PAPLN: variants seen among roughly 807,000 people sequenced by gnomAD.
The protein encoded by PAPLN is papilin.
PAPLN carries 146 observed loss-of-function variants against 159.0 expected under a neutral mutation model. That is an observed-to-expected ratio of 0.92 (90% CI 0.80 to 1.05). The LOEUF is 1.05. Ranked by LOEUF, PAPLN falls within the 50% of genes least tolerant of loss-of-function variation. The probability of loss-of-function intolerance (pLI) is 0.00; values close to 1 mark genes in which losing one functional copy is unlikely to be tolerated. For missense variants in PAPLN, 1,720 were observed against 1,743.9 expected, an observed-to-expected ratio of 0.99 and a Z score of 0.24; for synonymous variants, 734 against 702.9, an observed-to-expected ratio of 1.04 and a Z score of -0.70.
At chr14:73,271,215 T>C (rs1887687346) in intron 26 of PAPLN, among the ~76,000 whole-genome samples, 1 of 152,140 alleles carries the variant, frequency 6.6e-6, no homozygotes, top group South Asian at 2.1e-4. Flanking sequence ...CAGCTCAGAG[T>C]TGATACCAAA....
rs755470097 is a variant in PAPLN, at chr14:73,250,906, GGTT to G, written c.468_470del (p.Val157del). On this transcript the variant is annotated inframe_deletion and splice_region_variant, in exon 7 of 27. Transcript: ENST00000644200. The stretch of plus-strand genomic sequence containing the variant: ...CCTGCCTCCCGCATCTCTGCCCACA[GGTT>G]GTCGGCTGTGATCACGAGCTGGACT... The G allele has an allele frequency of 2.5e-6, 4 of 1,611,524 alleles. No homozygotes were observed. Among genetic ancestry groups the G allele is most frequent in the Non-Finnish European group, 3.4e-6 (4 of 1,178,912 alleles).
Position 73,265,253 on chromosome 14 carries a change from G to C in PAPLN, c.3126-117G>C. On this transcript the variant is annotated intron_variant, in intron 22 of 26. Transcript: ENST00000644200. This position sits in a 1 kb window ranked among gnomAD's most constrained non-coding sequence, Gnocchi z 4.1. ...ACCAGAACAAGGCAGGGGATTTTAG[G>C]AAGCTGAATCTGGCTGGAGAGGGAG... 1 of 1,474,244 alleles carries C rather than the reference G, an allele frequency of 6.8e-7. No homozygotes were observed. The highest frequency in any genetic ancestry group is 9.0e-7 in the Non-Finnish European group (1 of 1,106,912). 91.3% of individuals were successfully genotyped at this position (1,474,244 alleles called of 1,614,324 possible). A position where few individuals can be genotyped will look rare whatever the true frequency, so the allele number is the denominator to read the frequency against.
At chr14:73,257,120 G>A (rs1032019426) in intron 14 of PAPLN, among the ~76,000 whole-genome samples, 1 of 151,984 alleles carries the variant, frequency 6.6e-6, no homozygotes, top group South Asian at 2.1e-4. Flanking sequence ...CACAGGTGCA[G>A]GCCACCATGC....
Position 73,246,156 on chromosome 14 carries a change from GT to G in PAPLN, c.316del (p.Trp106GlyfsTer13). On this transcript the variant is annotated frameshift_variant, in exon 5 of 27. Transcript: ENST00000644200. LOFTEE classifies it high-confidence loss of function. ...GAEFQGRRYR[W>X]LPYYSAPNKC... ...CGGAGTTCCAGGGGCGGCGGTATCGGTGGCTGCCCTACTACAGCGGTGAGCG... is the reference window on the plus strand; with the variant it reads ...CGGAGTTCCAGGGGCGGCGGTATCGGGGCTGCCCTACTACAGCGGTGAGCG... 1 of 1,590,124 alleles carries G rather than the reference GT, an allele frequency of 6.3e-7. No individual in the cohort carries two copies. Among genetic ancestry groups the G allele is most frequent in the Admixed American group, 1.8e-5 (1 of 56,484 alleles).
intron 2 of PAPLN, chr14:73,243,017 G>C (rs1411558266): frequency 6.6e-6 from 1 of 152,190 alleles, no homozygotes; most frequent in African/African-American, 2.4e-5. Context: ...TTTTGAGATG[G>C]AGTCTCACTC....
rs990168614 is a variant in PAPLN, at chr14:73,274,505, T to C, written c.*1841T>C. 6.6e-5 allele frequency: 10 copies of C among 152,122 alleles called. No homozygotes were observed. Among genetic ancestry groups the C allele is most frequent in the Non-Finnish European group, 2.9e-5 (2 of 68,024 alleles). 9.4% of individuals were successfully genotyped at this position (152,122 alleles called of 1,614,324 possible). On this transcript the variant is annotated 3_prime_UTR_variant, in exon 27 of 27. Transcript: ENST00000644200. ...TTCTCTACTCATTCAACAAAGGAAA[T>C]GTGGGCTGGGGCAGAGGTCTTTTTT...
chr14:73,248,632 A>G (rs561539069), intron 5 of PAPLN, among the ~76,000 whole-genome samples: 126 of 150,800 alleles, frequency 8.4e-4, no homozygotes, highest in Non-Finnish European at 1.6e-3. Context: ...GTGAAACCCC[A>G]TCTCTACCAA....
upstream of PAPLN, among the ~76,000 whole-genome samples, chr14:73,236,153 A>G (rs1041940515): frequency 1.3e-5 from 2 of 150,870 alleles, no homozygotes; most frequent in Non-Finnish European, 1.5e-5. Flanking sequence ...AAGATGAGTG[A>G]ATTCCAGTTT....
intron 5 of PAPLN, among the ~76,000 whole-genome samples, chr14:73,249,623 G>A (rs1294543169): frequency 3.5e-5 from 5 of 141,754 alleles, no homozygotes; most frequent in Non-Finnish European, 7.5e-5. Context: ...GCAGTGAGTC[G>A]AGATCGTGCC....
chr14:73,258,468 C>T (rs1057158059), intron 14 of PAPLN, among the ~76,000 whole-genome samples: 2 of 151,888 alleles, frequency 1.3e-5, no homozygotes, highest in Non-Finnish European at 2.9e-5. Flanking sequence ...ATAGCTGGTA[C>T]TTTTTGCTGA....
Position 73,245,604 on chromosome 14 carries a change from G to T in PAPLN, c.171-32G>T. On this transcript the variant is annotated intron_variant, in intron 3 of 26. Transcript: ENST00000644200. This position sits in a 1 kb window ranked among gnomAD's most constrained non-coding sequence, Gnocchi z 4.2. ...AACGGGGGCAGGGACGTTGGGTCTC[G>T]GTCAGGTCTTCCCGGTGCTCTGGTC... 1 of 1,549,790 alleles carries T rather than the reference G, an allele frequency of 6.5e-7. No homozygotes were observed. Among genetic ancestry groups the T allele is most frequent in the Non-Finnish European group, 8.7e-7 (1 of 1,147,832 alleles).
At chr14:73,271,017 G>GGTTGCT (rs745313598) in intron 26 of PAPLN, among the ~76,000 whole-genome samples, 2 of 152,300 alleles carry the variant, frequency 1.3e-5, no homozygotes, top group Admixed American at 6.5e-5. Context: ...CTGTGAAGTA[G>GGTTGCT]GTTGCTGTTG....
upstream of PAPLN, among the ~76,000 whole-genome samples, chr14:73,237,003 A>C (rs1566663952): frequency 1.4e-5 from 2 of 144,624 alleles, no homozygotes; most frequent in African/African-American, 4.9e-5. Context: ...GAAAGGAAGG[A>C]AAGTGACATT....
chr14:73,258,658 G>C (rs977175749), intron 14 of PAPLN, among the ~76,000 whole-genome samples: 6 of 144,632 alleles, frequency 4.1e-5, no homozygotes, highest in African/African-American at 1.5e-4. Context: ...GCTACTCAGG[G>C]GGCTGAAGTG....
chr14:73,258,508 G>A (rs1012451283), intron 14 of PAPLN, among the ~76,000 whole-genome samples: 2 of 151,068 alleles, frequency 1.3e-5, no homozygotes, highest in African/African-American at 4.9e-5. Flanking sequence ...TTCATGCTAG[G>A]TGCAGTGGCT....
At chr14:73,241,372 C>A (rs1269287731) in intron 2 of PAPLN, among the ~76,000 whole-genome samples, 1 of 152,210 alleles carries the variant, frequency 6.6e-6, no homozygotes, top group East Asian at 1.9e-4. Flanking sequence ...AGCGTCCAGG[C>A]CCCAGGATTA....
At position 73,246,067 on chromosome 14, in the gene PAPLN, C is replaced by G; in HGVS notation, c.232-6C>G. ...CCTGGATCCCGACTTCCCCTCCGCC[C>G]CGCAGAGCTGCCCCGACGGCGCCCG... On this transcript the variant is annotated splice_polypyrimidine_tract_variant and splice_region_variant and intron_variant, in intron 4 of 26. Transcript: ENST00000644200. 1 of 1,536,246 alleles carries G rather than the reference C, an allele frequency of 6.5e-7. No individual in the cohort carries two copies. The highest frequency in any genetic ancestry group is 8.7e-7 in the Non-Finnish European group (1 of 1,145,628).
rs1886149392 is a variant in PAPLN, at chr14:73,258,227, G to T, written c.1628-752G>T. Among the ~76,000 whole-genome samples the T allele has an allele frequency of 2.0e-5, 3 of 152,028 alleles. No homozygotes were observed. In the South Asian group the frequency reaches 6.2e-4, roughly 32 times the overall value. On this transcript the variant is annotated intron_variant, in intron 14 of 26. Coordinates refer to ENST00000644200, the MANE Select transcript of PAPLN (RefSeq NM_001365906.3). ...CTCTTTGATTATAGACATCCTAGTG[G>T]GTGGGAAGCAGGACCTCATTGTGGT...
rs374605135 is a variant in PAPLN at position 73,254,613 on chromosome 14, G to C, written c.1403G>C (p.Arg468Pro). 1.2e-6 allele frequency: 2 copies of C among 1,614,016 alleles called. No individual in the cohort carries two copies. Among genetic ancestry groups the C allele is most frequent in the Non-Finnish European group, 1.7e-6 (2 of 1,179,902 alleles). ...ACCGCAGCGTGCTCCTTGGAAGACCGGCCACCTCTGACTGAGCCCTGTGTG... is the reference window on the plus strand; with the variant it reads ...ACCGCAGCGTGCTCCTTGGAAGACCCGCCACCTCTGACTGAGCCCTGTGTG... ...LHTAACSLED[R>P]PPLTEPCVHE... Residue 468 changes from arginine (R) to proline (P), a missense_variant, in exon 13 of 27, where the codon CGG becomes CCG. By Grantham distance (103) the Arg-to-Pro change is moderately radical. Coordinates refer to ENST00000644200, the MANE Select transcript of PAPLN (RefSeq NM_001365906.3).
Sources: allele counts gnomAD v4.1 joint callset (sites outside exome capture counted in the v4.1 genomes callset), GRCh38; gene constraint gnomAD v4.1.1; non-coding constraint Gnocchi (gnomAD v3.1); transcripts MANE v1.5; gene names NCBI Gene and HGNC (gene_info 2026-07-23, HGNC 2026-07-21).